Variants in SERINC5 observed in about 807,000 individuals in gnomAD.
SERINC5 encodes the protein chromosome 5 open reading frame 12.
A neutral mutation model predicts 63.1 loss-of-function variants in SERINC5; 41 were observed. The observed-to-expected ratio is 0.65, with a 90% CI of 0.51 to 0.84. The LOEUF is 0.84. Ranked by LOEUF, SERINC5 falls within the 40% of genes least tolerant of loss-of-function variation. The pLI is 0.00. For synonymous variants in SERINC5, 222 were observed against 215.2 expected, an observed-to-expected ratio of 1.03 and a Z score of -0.28; for missense variants, 523 against 573.0, an observed-to-expected ratio of 0.91 and a Z score of 0.89.
intron 1 of SERINC5, among the ~76,000 whole-genome samples, chr5:80,252,367 T>C (rs974895412): frequency 3.9e-5 from 6 of 152,174 alleles, no homozygotes; most frequent in Non-Finnish European, 2.9e-5. Flanking sequence ...GCCTGCACTG[T>C]CATTTTCTGT....
chr5:80,208,121 C>T (rs930636398), intron 1 of SERINC5, among the ~76,000 whole-genome samples: 2 of 152,086 alleles, frequency 1.3e-5, no homozygotes, highest in African/African-American at 4.8e-5. Flanking sequence ...GGGCATAAAG[C>T]TTTTACTGAA....
At chr5:80,149,093 G>A (rs1041675760) in intron 9 of SERINC5, among the ~76,000 whole-genome samples, 3 of 152,108 alleles carry the variant, frequency 2.0e-5, no homozygotes, top group South Asian at 2.1e-4. Context: ...CTTCCATCCC[G>A]CATGCTCTCC....
At chr5:80,149,021 A>G (rs769178313) in intron 9 of SERINC5, among the ~76,000 whole-genome samples, 4 of 152,214 alleles carry the variant, frequency 2.6e-5, no homozygotes, top group Non-Finnish European at 5.9e-5. Context: ...TACCATAAGA[A>G]ACTATGAACT....
At chr5:80,130,770 T>A (rs752767137) in intron 11 of SERINC5, among the ~76,000 whole-genome samples, 1 of 152,200 alleles carries the variant, frequency 6.6e-6, no homozygotes, top group Non-Finnish European at 1.5e-5. Flanking sequence ...CTTTTATCCA[T>A]CCATTTGTTC....
chr5:80,142,562 A>G lies in SERINC5; in HGVS notation c.*1101T>C. 7.1e-6 allele frequency: 7 copies of G among 985,224 alleles called. No individual in the cohort carries two copies. The highest frequency in any genetic ancestry group is 8.4e-6 in the Non-Finnish European group (7 of 829,764). The allele number at this position is 985,224 out of a possible 1,614,324, so 61.0% of individuals were successfully genotyped here. A position where few individuals can be genotyped will look rare whatever the true frequency, so the allele number is the denominator to read the frequency against. ...GCTTCTTCTGGTCAGTGTGTCTGAG[A>G]TCCTCACCTCAGAAATTCTCACATT... On this transcript the variant is annotated 3_prime_UTR_variant, in exon 12 of 12. Coordinates refer to ENST00000507668, the MANE Select transcript of SERINC5 (RefSeq NM_001174072.3).
chr5:80,175,183 T>G, intron 4 of SERINC5, 136 bp from the exon 5 acceptor site: 1 of 589,068 alleles, frequency 1.7e-6, no homozygotes, highest in Admixed American at 3.3e-5. Context: ...AGATATGTAT[T>G]ACTATTATAA....
chr5:80,245,458 C>T (rs1045763354), intron 1 of SERINC5, among the ~76,000 whole-genome samples: 1 of 152,100 alleles, frequency 6.6e-6, no homozygotes, highest in Non-Finnish European at 1.5e-5. Flanking sequence ...GCAAACAAAC[C>T]CTCAATCCAG....
chr5:80,214,029 G>A (rs1233487097), intron 1 of SERINC5, among the ~76,000 whole-genome samples: 4 of 152,136 alleles, frequency 2.6e-5, no homozygotes, highest in Admixed American at 2.6e-4. Context: ...AAGAAACCTA[G>A]ATGTCCAATA....
chr5:80,161,421 T>A (rs577250960), intron 7 of SERINC5, among the ~76,000 whole-genome samples: 12 of 152,304 alleles, frequency 7.9e-5, no homozygotes, highest in African/African-American at 2.9e-4. Context: ...CTAGTTATGG[T>A]TTTAATTTGC....
intron 2 of SERINC5, among the ~76,000 whole-genome samples, chr5:80,190,508 C>T (rs115246914): frequency 0.014 from 2,168 of 152,278 alleles, 49 homozygotes; most frequent in African/African-American, 0.05. Flanking sequence ...TGAGCATCCA[C>T]GCACTCATTC....
At chr5:80,239,658 GA>G (rs901959582) in intron 1 of SERINC5, among the ~76,000 whole-genome samples, 3 of 152,048 alleles carry the variant, frequency 2.0e-5, no homozygotes, top group Non-Finnish European at 4.4e-5. Flanking sequence ...AGGAGCCACA[GA>G]CCATGCCCAC....
intron 2 of SERINC5, among the ~76,000 whole-genome samples, chr5:80,195,878 G>A (rs537573766): frequency 6.6e-6 from 1 of 152,260 alleles, no homozygotes; most frequent in African/African-American, 2.4e-5. Flanking sequence ...TAGAAATAGG[G>A]TATCATCTGG....
rs1164681349 is a variant in SERINC5, at chr5:80,140,360, G to T, written c.*3303C>A. 29 of 976,996 alleles carry T rather than the reference G, an allele frequency of 3.0e-5. No individual in the cohort carries two copies. Among genetic ancestry groups the T allele is most frequent in the Non-Finnish European group, 3.4e-5 (28 of 824,936 alleles). 60.5% of individuals were successfully genotyped at this position (976,996 alleles called of 1,614,324 possible). A position where few individuals can be genotyped will look rare whatever the true frequency, so the allele number is the denominator to read the frequency against. On this transcript the variant is annotated 3_prime_UTR_variant, in exon 12 of 12. Transcript: ENST00000507668. ...CTTAGGGTGACAATTTTGACATGGGGACAGGAAATTAACATTACACTGAGG... is the reference window on the plus strand; with the variant it reads ...CTTAGGGTGACAATTTTGACATGGGTACAGGAAATTAACATTACACTGAGG...
chr5:80,207,803 C>A (rs910114605), intron 1 of SERINC5, among the ~76,000 whole-genome samples: 1 of 152,128 alleles, frequency 6.6e-6, no homozygotes, highest in Non-Finnish European at 1.5e-5. Context: ...AATTAAGGTT[C>A]GAGCACATTA....
chr5:80,202,187 G>A lies in SERINC5; in HGVS notation c.195+699C>T, dbSNP rs894044467. Among the ~76,000 whole-genome samples, 6 of 152,004 alleles carry A rather than the reference G, an allele frequency of 3.9e-5. No individual in the cohort carries two copies. In the South Asian group the frequency reaches 1.0e-3, roughly 26 times the overall value. ...TGGGAGGTGGAGGTTGCAGTGAGCCGAGATCATGCCATTGCACTCTAGCCT... is the reference window on the plus strand; with the variant it reads ...TGGGAGGTGGAGGTTGCAGTGAGCCAAGATCATGCCATTGCACTCTAGCCT... On this transcript the variant is annotated intron_variant, in intron 2 of 11. Transcript: ENST00000507668.
rs576019293 is a variant in SERINC5, at chr5:80,200,292, A to G, written c.195+2594T>C. 9.4e-5 allele frequency among the ~76,000 whole-genome samples: 14 copies of G among 149,692 alleles called. No homozygotes were observed. The South Asian group carries it at 2.1e-3, about 22-fold the overall frequency. ...GGAGATCGAGACCATCCTGGCTAAC[A>G]TGGTGAAACCCCGTCTCTACTAAAA... On this transcript the variant is annotated intron_variant, in intron 2 of 11. Transcript: ENST00000507668.
chr5:80,156,189 A>T (rs189189279), intron 8 of SERINC5, among the ~76,000 whole-genome samples: 1 of 152,212 alleles, frequency 6.6e-6, no homozygotes, highest in African/African-American at 2.4e-5. Context: ...AATTTCTATC[A>T]AGAATCCTAG....
intron 2 of SERINC5, among the ~76,000 whole-genome samples, chr5:80,181,834 T>C (rs555555897): frequency 8.5e-5 from 13 of 152,302 alleles, no homozygotes; most frequent in African/African-American, 2.4e-4. Context: ...ACCTGGCATC[T>C]GCCCCGAAGG....
chr5:80,156,993 C>CTTTTTTTTTTTTTTTTT (rs376131718), intron 8 of SERINC5: 3 of 124,692 alleles, frequency 2.4e-5, no homozygotes, highest in Non-Finnish European at 5.0e-5. Flanking sequence ...TTTTTTTTTT[C>CTTTTTTTTTTTTTTTTT]TTTTTTTTTT....
Sources: allele counts gnomAD v4.1 joint callset (sites outside exome capture counted in the v4.1 genomes callset), GRCh38; gene constraint gnomAD v4.1.1; transcripts MANE v1.5; gene names NCBI Gene and HGNC (gene_info 2026-07-23, HGNC 2026-07-21).